DYNC1I1: variants seen among roughly 807,000 people sequenced by gnomAD.
DYNC1I1 encodes cytoplasmic dynein 1 intermediate chain 1.
DYNC1I1 carries 43 observed loss-of-function variants against 86.6 expected under a neutral mutation model. The ratio of observed to expected loss-of-function variants is 0.50; its 90% CI spans 0.39 to 0.64. The LOEUF (loss-of-function observed/expected upper bound fraction) is 0.64, where lower values mean the gene tolerates loss of function less well. Ranked by LOEUF, DYNC1I1 falls within the 30% of genes least tolerant of loss-of-function variation. The pLI, the probability that DYNC1I1 is intolerant of heterozygous loss-of-function variation, is 0.00. For synonymous variants in DYNC1I1, 262 were observed against 283.7 expected (o/e 0.92, Z 0.77); for missense variants, 604 against 788.8 (o/e 0.77, Z 2.81).
At chr7:95,952,079 A>C (rs1377586565) in intron 6 of DYNC1I1, among the ~76,000 whole-genome samples, 1 of 152,126 alleles carries the variant, frequency 6.6e-6, no homozygotes, top group Admixed American at 6.5e-5. Context: ...TATCTGAATG[A>C]GTCTTACATA....
intron 5 of DYNC1I1, among the ~76,000 whole-genome samples, chr7:95,856,122 T>A (rs2600565): frequency 0.5 from 76,294 of 152,102 alleles, 21,251 homozygotes; most frequent in Non-Finnish European, 0.64. Flanking sequence ...CTGTTTTTTT[T>A]AATATTCTGT....
intron 4 of DYNC1I1, among the ~76,000 whole-genome samples, chr7:95,822,496 TG>T (rs1390845589): frequency 1.3e-5 from 2 of 152,192 alleles, no homozygotes; most frequent in African/African-American, 4.8e-5. Flanking sequence ...TTTTCCATGT[TG>T]GGAAGCTTCT....
At chr7:95,945,075 T>A (rs1333515714) in intron 6 of DYNC1I1, among the ~76,000 whole-genome samples, 3 of 151,248 alleles carry the variant, frequency 2.0e-5, no homozygotes, top group South Asian at 4.2e-4. Flanking sequence ...AATAAAAAAA[T>A]TAAAATAAAA....
At chr7:96,084,725 A>G (rs1029577797) in intron 16 of DYNC1I1, among the ~76,000 whole-genome samples, 1 of 151,972 alleles carries the variant, frequency 6.6e-6, no homozygotes, top group Admixed American at 6.6e-5. Context: ...ACCCTGCCTC[A>G]TTACCTGTTT....
At chr7:95,929,634 C>T (rs914148913) in intron 6 of DYNC1I1, among the ~76,000 whole-genome samples, 13 of 152,160 alleles carry the variant, frequency 8.5e-5, no homozygotes, top group Admixed American at 7.9e-4. Context: ...AACCAGTCTT[C>T]AGATCAAGAT....
intron 6 of DYNC1I1, among the ~76,000 whole-genome samples, chr7:95,967,751 T>C (rs1793053430): frequency 6.6e-6 from 1 of 152,180 alleles, no homozygotes; most frequent in African/African-American, 2.4e-5. Flanking sequence ...ACGTAGAATA[T>C]ACCCAGCACA....
intron 1 of DYNC1I1, among the ~76,000 whole-genome samples, chr7:95,791,734 C>T (rs757124634): frequency 1.2e-4 from 18 of 151,976 alleles, no homozygotes; most frequent in East Asian, 3.9e-4. Flanking sequence ...CTTTTAGAGT[C>T]GGAAAACAGA....
chr7:95,899,036 AT>A (rs977095803), intron 6 of DYNC1I1, among the ~76,000 whole-genome samples: 41 of 152,074 alleles, frequency 2.7e-4, no homozygotes, highest in Admixed American at 3.3e-4. Flanking sequence ...AGGCTTTTTG[AT>A]TTTTTTTCCA....
At chr7:96,102,036 T>C (rs945433678), downstream of DYNC1I1, among the ~76,000 whole-genome samples, 4 of 151,820 alleles carry the variant, frequency 2.6e-5, no homozygotes, top group African/African-American at 9.7e-5. Context: ...GTAAGATCAC[T>C]GATCACAGCT....
At chr7:95,946,247 G>T (rs776970686) in intron 6 of DYNC1I1, among the ~76,000 whole-genome samples, 1 of 151,936 alleles carries the variant, frequency 6.6e-6, no homozygotes, top group Non-Finnish European at 1.5e-5. Flanking sequence ...AAACCACCGT[G>T]ACACGATTAC....
downstream of DYNC1I1, among the ~76,000 whole-genome samples, chr7:96,102,811 G>T (rs1343715029): frequency 6.6e-6 from 1 of 152,190 alleles, no homozygotes; most frequent in African/African-American, 2.4e-5. Flanking sequence ...GGATTCTACA[G>T]GAAGGCCGTG....
chr7:96,107,130 C>G (rs1028075024), intron 16 of DYNC1I1, among the ~76,000 whole-genome samples: 1 of 151,776 alleles, frequency 6.6e-6, no homozygotes, highest in Admixed American at 6.6e-5. Flanking sequence ...AGGTTCAAGT[C>G]ATGTTCATTC....
At chr7:96,105,071 T>C (rs1349119451) in intron 16 of DYNC1I1, among the ~76,000 whole-genome samples, 4 of 151,940 alleles carry the variant, frequency 2.6e-5, no homozygotes, top group Non-Finnish European at 5.9e-5. Flanking sequence ...AGATAACAAC[T>C]AATTTTTTAT....
Position 96,032,749 on chromosome 7 carries a change from C to T in DYNC1I1, c.1199C>T (p.Ser400Phe). Residue 400 changes from serine (S) to phenylalanine (F), a missense_variant, in exon 12 of 17, where the codon TCC (serine) becomes TTC (phenylalanine). Coordinates refer to ENST00000447467, the MANE Select transcript of DYNC1I1 (RefSeq NM_001135556.2). Reference protein sequence around the residue: ...ITVSTDGKMCSWSLDMLSTPQ... With the variant: ...ITVSTDGKMCFWSLDMLSTPQ... ...GTCTCCACTGATGGCAAAATGTGTTCCTGGAGCCTGGACATGCTCTCAACT... is the reference window on the plus strand; with the variant it reads ...GTCTCCACTGATGGCAAAATGTGTTTCTGGAGCCTGGACATGCTCTCAACT... The T allele has an allele frequency of 6.2e-7, 1 of 1,613,538 alleles. No homozygotes were observed. The highest frequency in any genetic ancestry group is 8.5e-7 in the Non-Finnish European group (1 of 1,179,674).
chr7:96,068,014 C>T (rs1790045332), intron 14 of DYNC1I1, among the ~76,000 whole-genome samples: 1 of 152,132 alleles, frequency 6.6e-6, no homozygotes, highest in Middle Eastern at 3.2e-3. Flanking sequence ...TAAATTAAAA[C>T]TCATCTTTAT....
At chr7:95,892,608 A>G (rs987447431) in intron 6 of DYNC1I1, among the ~76,000 whole-genome samples, 5 of 151,614 alleles carry the variant, frequency 3.3e-5, no homozygotes, top group South Asian at 2.1e-4. Context: ...ACCGTGCCTG[A>G]CCTAATTTTT....
At chr7:95,904,394 T>C (rs959078154) in intron 6 of DYNC1I1, among the ~76,000 whole-genome samples, 3 of 152,144 alleles carry the variant, frequency 2.0e-5, no homozygotes, top group Non-Finnish European at 4.4e-5. Context: ...ATGCTTTGCC[T>C]AGCTAATTCT....
intron 6 of DYNC1I1, among the ~76,000 whole-genome samples, chr7:95,975,832 T>A (rs1197567041): frequency 6.6e-6 from 1 of 152,156 alleles, no homozygotes; most frequent in Non-Finnish European, 1.5e-5. Context: ...AACTGCCTCT[T>A]CATCCAAGGA....
At chr7:95,912,266 A>C (rs1791356974) in intron 6 of DYNC1I1, among the ~76,000 whole-genome samples, 1 of 152,030 alleles carries the variant, frequency 6.6e-6, no homozygotes, top group Non-Finnish European at 1.5e-5. Context: ...CAAAATCCTG[A>C]CCTCAGGTGA....
Sources: allele counts gnomAD v4.1 joint callset (sites outside exome capture counted in the v4.1 genomes callset), GRCh38; gene constraint gnomAD v4.1.1; transcripts MANE v1.5; gene names NCBI Gene and HGNC (gene_info 2026-07-23, HGNC 2026-07-21).